The following ERC2 variants were observed in gnomAD, a reference collection of about 807,000 sequenced individuals.
ERC2 encodes ELKS/RAB6-interacting/CAST family member 2.
A neutral mutation model predicts 114.8 loss-of-function variants in ERC2; 42 were observed. The observed-to-expected ratio is 0.37, with a 90% confidence interval of 0.29 to 0.47. ERC2 has a LOEUF of 0.47. Ranked by LOEUF, ERC2 falls within the 20% of genes least tolerant of loss-of-function variation. The probability of loss-of-function intolerance (pLI) is 0.99; values close to 1 mark genes in which losing one functional copy is unlikely to be tolerated. For synonymous variants in ERC2, 454 were observed against 425.5 expected, an observed-to-expected ratio of 1.07 and a Z score of -0.82; for missense variants, 939 against 1,150.7, an observed-to-expected ratio of 0.82 and a Z score of 2.66.
intron 7 of ERC2, among the ~76,000 whole-genome samples, chr3:56,048,895 T>C (rs1232385057): frequency 6.6e-6 from 1 of 151,934 alleles, no homozygotes; most frequent in Non-Finnish European, 1.5e-5. Flanking sequence ...GAACAGTAAG[T>C]GATGGGGGTT....
intron 3 of ERC2, among the ~76,000 whole-genome samples, chr3:56,198,170 C>G (rs1473952978): frequency 1.3e-5 from 2 of 152,184 alleles, no homozygotes. Flanking sequence ...GAGCCCAGAA[C>G]AGAGGAAGCA....
At chr3:55,974,024 C>T (rs959277884) in intron 12 of ERC2, among the ~76,000 whole-genome samples, 3 of 152,058 alleles carry the variant, frequency 2.0e-5, no homozygotes, top group African/African-American at 7.2e-5. Flanking sequence ...AAAAACAAAA[C>T]AAGGAAAGAA....
rs2058051616 is a variant in ERC2, at chr3:56,340,582, A to G, written c.658-44147T>C. Among the ~76,000 whole-genome samples the G allele has an allele frequency of 1.6e-4, 7 of 43,764 alleles. No homozygotes were observed. In the South Asian group the frequency reaches 6.6e-3, roughly 41 times the overall value. The allele number at this position is 43,764 out of a possible 152,430, so 28.7% of individuals were successfully genotyped here. A position where few individuals can be genotyped will look rare whatever the true frequency, so the allele number is the denominator to read the frequency against. ...TGTGTGTGTGTGTGTGTGTGTGTTT[A>G]ATCTCACTAATTTACAGAGCATATT... is the stretch of plus-strand genomic sequence containing the variant. On this transcript the variant is annotated intron_variant, in intron 2 of 17. Coordinates refer to ENST00000288221, the MANE Select transcript of ERC2 (RefSeq NM_015576.3).
chr3:56,385,160 T>C (rs2059890425), intron 2 of ERC2, among the ~76,000 whole-genome samples: 1 of 151,944 alleles, frequency 6.6e-6, no homozygotes, highest in African/African-American at 2.4e-5. Flanking sequence ...TTATTAGCAA[T>C]AGAAAATTTA....
intron 3 of ERC2, among the ~76,000 whole-genome samples, chr3:56,294,877 T>A (rs78644829): frequency 1.3e-5 from 2 of 152,206 alleles, no homozygotes; most frequent in Admixed American, 1.3e-4. Context: ...CCAAGCCATG[T>A]GGTTTCCCAA....
chr3:56,072,205 C>T (rs1398280102), intron 7 of ERC2: 1 of 157,678 alleles, frequency 6.3e-6, no homozygotes, highest in South Asian at 2.1e-4. Context: ...CCTCCCTCAC[C>T]ACTCCATGTG....
intron 2 of ERC2, among the ~76,000 whole-genome samples, chr3:56,352,732 T>A (rs955564818): frequency 6.6e-6 from 1 of 152,088 alleles, no homozygotes; most frequent in Non-Finnish European, 1.5e-5. Flanking sequence ...TCGTCTGAAG[T>A]TCAACTGGGG....
intron 2 of ERC2, among the ~76,000 whole-genome samples, chr3:56,425,728 G>C (rs1379378127): frequency 6.6e-6 from 1 of 152,046 alleles, no homozygotes; most frequent in Admixed American, 6.5e-5. Flanking sequence ...TGTTGGGGTG[G>C]GGGGAGGTTA....
intron 2 of ERC2, among the ~76,000 whole-genome samples, chr3:56,379,616 C>T (rs2059673816): frequency 6.6e-6 from 1 of 152,192 alleles, no homozygotes; most frequent in African/African-American, 2.4e-5. Flanking sequence ...ACACTGCACA[C>T]TCTACCCACT....
At position 55,942,266 on chromosome 3, in the gene ERC2, C is replaced by CTTTTTTTT. The variant is rs56851837; in HGVS notation, c.2403+8151_2403+8158dup. On this transcript the variant is annotated intron_variant, in intron 13 of 17. Coordinates refer to ENST00000288221, the MANE Select transcript of ERC2 (RefSeq NM_015576.3). Reference sequence around the variant, plus strand: ...TATTAAATGAAGTCTAAGGTCCTTTCTTTTTTTTTTTTTTTTTTTTTTTTT... The same window carrying CTTTTTTTT: ...TATTAAATGAAGTCTAAGGTCCTTTCTTTTTTTTTTTTTTTTTTTTTTTTTTTTTTTTT... Among the ~76,000 whole-genome samples, 196 of 42,112 alleles carry CTTTTTTTT rather than the reference C, an allele frequency of 4.7e-3. 49 individuals carry two copies. The highest frequency in any genetic ancestry group is 8.3e-3 in the African/African-American group (99 of 11,864). 27.6% of individuals were successfully genotyped at this position (42,112 alleles called of 152,430 possible).
chr3:56,115,108 T>A (rs1014133803), intron 6 of ERC2, among the ~76,000 whole-genome samples: 1 of 152,172 alleles, frequency 6.6e-6, no homozygotes, highest in African/African-American at 2.4e-5. Context: ...AATTGGCTCA[T>A]CTGGTCTTGT....
rs2055437696 is a variant in ERC2, at chr3:56,296,425, A to C, written c.668T>G (p.Leu223Trp). ...CTCATCTTGAAGGGCCTGGATTGTCAACTGTAGGTGCTGCAATGAGAAAGA... is the reference window on the plus strand; with the variant it reads ...CTCATCTTGAAGGGCCTGGATTGTCCACTGTAGGTGCTGCAATGAGAAAGA... ...VSHEENQHLQ[L>W]TIQALQDELR... The change falls in exon 3 of 18, where the codon TTG (leucine) becomes TGG (tryptophan). Residue 223 changes from leucine to tryptophan, a missense_variant. By Grantham distance (61) the Leu-to-Trp change is moderately conservative (BLOSUM62 -2). Around this residue, in one of 5 missense-constraint regions of ERC2, gnomAD observed 281 missense variants for 307.4 expected, o/e 0.91. Transcript: ENST00000288221. The C allele has an allele frequency of 3.7e-6, 6 of 1,610,152 alleles. No individual in the cohort carries two copies. The highest frequency in any genetic ancestry group is 5.1e-6 in the Non-Finnish European group (6 of 1,177,102).
chr3:55,831,396 GGGGAGGGGAGGGAAGGGGAGGGGAA>G (rs2149185752), intron 14 of ERC2, among the ~76,000 whole-genome samples: 1 of 86,666 alleles, frequency 1.2e-5, no homozygotes, highest in Non-Finnish European at 2.4e-5. Flanking sequence ...AGGAAGGGGA[GGGGAGGGGAGGGAAGGGGAGGGGAA>G]GGGAAGGGAA....
rs549346609 is a variant in ERC2, at chr3:56,025,644, C to G, written c.1642-6613G>C. Among the ~76,000 whole-genome samples, 32 of 152,230 alleles carry G rather than the reference C, an allele frequency of 2.1e-4. 1 individual carries two copies. In the South Asian group the frequency reaches 6.7e-3, roughly 32 times the overall value. On this transcript the variant is annotated intron_variant, in intron 7 of 17. Transcript: ENST00000288221. Reference sequence around the variant, plus strand: ...GACTTCCCTGTCTCTGACCTCTAGCCCCAGATTTACTGCGCTCATGTGATT... The same window carrying G: ...GACTTCCCTGTCTCTGACCTCTAGCGCCAGATTTACTGCGCTCATGTGATT...
intron 14 of ERC2, among the ~76,000 whole-genome samples, chr3:55,812,524 A>T (rs2059758131): frequency 6.6e-6 from 1 of 152,224 alleles, no homozygotes; most frequent in South Asian, 2.1e-4. Flanking sequence ...GAGAGTCACA[A>T]TTACTGCTAT....
chr3:56,337,637 G>C (rs1226147441), intron 2 of ERC2, among the ~76,000 whole-genome samples: 1 of 151,156 alleles, frequency 6.6e-6, no homozygotes, highest in Non-Finnish European at 1.5e-5. Flanking sequence ...ATGAGGTACA[G>C]AAAAAAAAAC....
intron 12 of ERC2, among the ~76,000 whole-genome samples, chr3:55,982,927 G>T (rs2070274908): frequency 6.6e-6 from 1 of 152,208 alleles, no homozygotes; most frequent in Admixed American, 6.5e-5. Context: ...AGTTTATTTT[G>T]GTACAAGTGT....
chr3:55,965,742 C>T lies in ERC2; in HGVS notation c.2268-15182G>A, dbSNP rs547021007. On this transcript the variant is annotated intron_variant, in intron 12 of 17. Transcript: ENST00000288221. ...TTACACTTTCCCAAGTATTTATCCC[C>T]ATGACAACACACTACAAAAATAAAT... Among the ~76,000 whole-genome samples the T allele has an allele frequency of 2.0e-5, 3 of 152,184 alleles. No homozygotes were observed. The South Asian group carries it at 6.2e-4, about 32-fold the overall frequency.
intron 8 of ERC2, among the ~76,000 whole-genome samples, chr3:56,015,129 T>C (rs546931772): frequency 6.6e-6 from 1 of 152,330 alleles, no homozygotes; most frequent in African/African-American, 2.4e-5. Context: ...ACATACTAAA[T>C]ATGATGTCAA....
Sources: allele counts gnomAD v4.1 joint callset (sites outside exome capture counted in the v4.1 genomes callset), GRCh38; gene constraint gnomAD v4.1.1; regional missense constraint gnomAD v4.1.1; transcripts MANE v1.5; gene names NCBI Gene and HGNC (gene_info 2026-07-23, HGNC 2026-07-21).